The following PDE4D variants were observed in gnomAD, a reference collection of about 807,000 sequenced individuals.
PDE4D encodes the protein 3',5'-cyclic-AMP phosphodiesterase 4D.
Under a neutral mutation model 87.4 loss-of-function variants are expected in PDE4D, and 24 were observed. The ratio of observed to expected loss-of-function variants is 0.27; its 90% CI spans 0.20 to 0.39. The LOEUF (loss-of-function observed/expected upper bound fraction) is 0.39, where lower values mean the gene tolerates loss of function less well. Among genes scored for constraint, PDE4D ranks in the 10% least tolerant of loss-of-function variants. PDE4D has a pLI of 1.00. For missense variants in PDE4D, 714 were observed against 1,041.0 expected (o/e 0.69, Z 4.32); for synonymous variants, 384 against 383.2 (o/e 1.00, Z -0.02).
At chr5:59,347,525 GAC>G (rs1779808353) in intron 1 of PDE4D, among the ~76,000 whole-genome samples, 1 of 152,132 alleles carries the variant, frequency 6.6e-6, no homozygotes, top group Non-Finnish European at 1.5e-5. Context: ...TTTGTAGGCA[GAC>G]ACAGACACAT....
chr5:59,356,941 C>A, intron 1 of PDE4D: 1 of 1,392,042 alleles, frequency 7.2e-7, no homozygotes, highest in Non-Finnish European at 9.2e-7. Context: ...GCAGGAGGCA[C>A]TTGTAGCTGA....
At chr5:60,498,166 GCACACACACA>G (rs34436235) in intron 1 of PDE4D, among the ~76,000 whole-genome samples, 1 of 144,210 alleles carries the variant, frequency 6.9e-6, no homozygotes, top group Non-Finnish European at 1.5e-5. Context: ...ACACACACAT[GCACACACACA>G]CACACACACA....
intron 1 of PDE4D, among the ~76,000 whole-genome samples, chr5:59,492,644 T>C (rs1473246561): frequency 6.6e-6 from 1 of 152,178 alleles, no homozygotes; most frequent in Non-Finnish European, 1.5e-5. Context: ...CCAGGGTACA[T>C]GTGCTGTGGA....
At chr5:59,482,542 A>T (rs1804452026) in intron 1 of PDE4D, among the ~76,000 whole-genome samples, 1 of 152,164 alleles carries the variant, frequency 6.6e-6, no homozygotes, top group Admixed American at 6.6e-5. Context: ...TTTTTCATAA[A>T]AAATATTCAA....
chr5:58,990,657 T>A, intron 9 of PDE4D, 147 bp downstream of exon 9: 1 of 523,848 alleles, frequency 1.9e-6, no homozygotes, highest in South Asian at 3.2e-5. Context: ...TCTTTACTTG[T>A]CCCTTGGCAA....
chr5:59,592,250 CT>C lies in PDE4D; in HGVS notation c.455+300917del, dbSNP rs1211963069. Reference sequence around the variant, plus strand: ...CTAATAACGATGTTGATAGTCATGACTTTCCACTCCTGGCAAGTTCTAGCAA... The same window carrying C: ...CTAATAACGATGTTGATAGTCATGACTTCCACTCCTGGCAAGTTCTAGCAA... On this transcript the variant is annotated intron_variant, in intron 1 of 14. Transcript: ENST00000340635. The C allele has an allele frequency of 5.4e-6, 3 of 555,164 alleles. No homozygotes were observed. The African/African-American group carries it at 6.2e-5, about 11-fold the overall frequency. 34.4% of individuals were successfully genotyped at this position (555,164 alleles called of 1,614,324 possible). A position where few individuals can be genotyped will look rare whatever the true frequency, so the allele number is the denominator to read the frequency against.
chr5:59,906,303 C>A (rs771694086), intron 3 of PDE4D, among the ~76,000 whole-genome samples: 1 of 152,080 alleles, frequency 6.6e-6, no homozygotes, highest in Non-Finnish European at 1.5e-5. Context: ...AATCGAGAAC[C>A]TATTTCTCTA....
At chr5:60,180,945 T>C (rs781605209) in intron 2 of PDE4D, among the ~76,000 whole-genome samples, 2 of 152,178 alleles carry the variant, frequency 1.3e-5, no homozygotes, top group Non-Finnish European at 2.9e-5. Context: ...TTTGTCAATC[T>C]CGTAGCTTAG....
chr5:59,370,697 G>C (rs1183331767), intron 1 of PDE4D, among the ~76,000 whole-genome samples: 1 of 152,074 alleles, frequency 6.6e-6, no homozygotes, highest in Non-Finnish European at 1.5e-5. Flanking sequence ...TCTTTCAGAG[G>C]AGAGACATGT....
intron 1 of PDE4D, among the ~76,000 whole-genome samples, chr5:59,819,623 T>A (rs1011419484): frequency 2.6e-5 from 4 of 152,216 alleles, no homozygotes; most frequent in Non-Finnish European, 4.4e-5. Context: ...AAACTTGATA[T>A]TTGGCACTAG....
chr5:59,240,978 C>A (rs1405251353), intron 1 of PDE4D, among the ~76,000 whole-genome samples: 1 of 152,054 alleles, frequency 6.6e-6, no homozygotes, highest in Non-Finnish European at 1.5e-5. Context: ...GGAATGAAAA[C>A]AGTACCTATG....
intron 1 of PDE4D, among the ~76,000 whole-genome samples, chr5:59,853,611 C>T (rs555783005): frequency 2.6e-5 from 4 of 151,976 alleles, no homozygotes; most frequent in Non-Finnish European, 5.9e-5. Context: ...TATTTTTAAG[C>T]TATATCTAAG....
At chr5:59,146,562 T>G (rs1049183333) in intron 5 of PDE4D, among the ~76,000 whole-genome samples, 14 of 149,666 alleles carry the variant, frequency 9.4e-5, no homozygotes, top group Admixed American at 2.7e-4. Flanking sequence ...GAAATGGAAG[T>G]GGTCTGATTT....
intron 1 of PDE4D, among the ~76,000 whole-genome samples, chr5:60,398,837 C>G (rs1352265553): frequency 6.6e-6 from 1 of 152,118 alleles, no homozygotes; most frequent in Admixed American, 6.6e-5. Context: ...GAAACAGACT[C>G]AGAGGGTGAA....
intron 1 of PDE4D, among the ~76,000 whole-genome samples, chr5:60,192,257 A>G (rs1785255866): frequency 6.6e-6 from 1 of 152,192 alleles, no homozygotes; most frequent in Non-Finnish European, 1.5e-5. Flanking sequence ...TGTCTTGCTT[A>G]AAAATTATTT....
At chr5:59,539,594 T>C (rs966557562) in intron 1 of PDE4D, among the ~76,000 whole-genome samples, 1 of 152,128 alleles carries the variant, frequency 6.6e-6, no homozygotes, top group Non-Finnish European at 1.5e-5. Context: ...TCTTTTGTGT[T>C]CCTGCCTCAA....
At chr5:59,629,693 T>G (rs921840961) in intron 1 of PDE4D, among the ~76,000 whole-genome samples, 4 of 152,222 alleles carry the variant, frequency 2.6e-5, no homozygotes, top group African/African-American at 7.2e-5. Flanking sequence ...CCTAGCCGAC[T>G]AATACAAGTG....
intron 1 of PDE4D, among the ~76,000 whole-genome samples, chr5:60,416,164 G>T (rs1742527070): frequency 6.6e-6 from 1 of 152,138 alleles, no homozygotes; most frequent in South Asian, 2.1e-4. Context: ...CTAGCTCAAG[G>T]ATTGTAAATG....
intron 1 of PDE4D, among the ~76,000 whole-genome samples, chr5:59,624,197 A>T (rs1830642082): frequency 6.6e-6 from 1 of 152,102 alleles, no homozygotes; most frequent in African/African-American, 2.4e-5. Context: ...CACGCTCTTA[A>T]TTCTATCCCC....
Sources: allele counts gnomAD v4.1 joint callset (sites outside exome capture counted in the v4.1 genomes callset), GRCh38; gene constraint gnomAD v4.1.1; transcripts MANE v1.5; gene names NCBI Gene and HGNC (gene_info 2026-07-23, HGNC 2026-07-21).